The following MTO1 variants were observed in gnomAD, a reference collection of about 807,000 sequenced individuals.
The protein encoded by MTO1 is mitochondrial tRNA translation optimization 1.
A neutral mutation model predicts 71.6 loss-of-function variants in MTO1; 46 were observed. That is an observed-to-expected ratio of 0.64 (90% CI 0.51 to 0.82). MTO1 has a LOEUF of 0.82. Among genes scored for constraint, MTO1 ranks in the 40% least tolerant of loss-of-function variants. The probability of loss-of-function intolerance (pLI) is 0.00; values close to 1 mark genes in which losing one functional copy is unlikely to be tolerated. For synonymous variants in MTO1, 297 were observed against 312.1 expected, an observed-to-expected ratio of 0.95 and a Z score of 0.51; for missense variants, 773 against 867.5, an observed-to-expected ratio of 0.89 and a Z score of 1.37.
intron 1 of MTO1, among the ~76,000 whole-genome samples, chr6:73,462,736 G>T (rs563598668): frequency 2.2e-4 from 34 of 151,910 alleles, no homozygotes; most frequent in African/African-American, 8.0e-4. Flanking sequence ...TCAAAATAAT[G>T]ATAATATTAA....
At chr6:73,467,279 A>G (rs1771026030) in intron 3 of MTO1, among the ~76,000 whole-genome samples, 2 of 151,940 alleles carry the variant, frequency 1.3e-5, no homozygotes, top group African/African-American at 4.8e-5. Flanking sequence ...ATGCCACTGC[A>G]CTCCAGCCTG....
At chr6:73,482,789 CTTTTTTTTTTTT>C (rs35121302) in intron 9 of MTO1, among the ~76,000 whole-genome samples, 169 bp downstream of exon 9, 4 of 92,148 alleles carry the variant, frequency 4.3e-5, no homozygotes, top group African/African-American at 8.5e-5. Context: ...TTTTTTCTTT[CTTTTTTTTTTTT>C]TTTTTTTTTT....
At chr6:73,486,213 G>C (rs1276132443) in intron 9 of MTO1, among the ~76,000 whole-genome samples, 2 of 152,034 alleles carry the variant, frequency 1.3e-5, no homozygotes, top group Non-Finnish European at 2.9e-5. Context: ...AAAGTGCTGG[G>C]ATTACAGACA....
At chr6:73,468,171 G>A (rs1714530091) in intron 3 of MTO1, among the ~76,000 whole-genome samples, 2 of 151,948 alleles carry the variant, frequency 1.3e-5, no homozygotes, top group Non-Finnish European at 2.9e-5. Flanking sequence ...AGGCTGGAGT[G>A]CAGTGGTACC....
rs1772256426 is a variant in MTO1, at chr6:73,505,348, A to T, written c.*4613A>T. The T allele has an allele frequency of 6.6e-6, 1 of 152,260 alleles. No homozygotes were observed. The highest frequency in any genetic ancestry group is 6.5e-5 in the Admixed American group (1 of 15,288). The allele number at this position is 152,260 out of a possible 1,614,324, so 9.4% of individuals were successfully genotyped here. ...TTAAAAAGGAAGGAAATTCATATAC[A>T]TGCTACAGCATGGATAAACCTTGAA... On this transcript the variant is annotated 3_prime_UTR_variant, in exon 12 of 12. Coordinates refer to ENST00000498286, the MANE Select transcript of MTO1 (RefSeq NM_012123.4).
Position 73,482,069 on chromosome 6 carries a change from TC to T in MTO1, c.1291del (p.Arg431GlyfsTer17), listed in dbSNP as rs777915760. On this transcript the variant is annotated frameshift_variant, in exon 8 of 12. Coordinates refer to ENST00000498286, the MANE Select transcript of MTO1 (RefSeq NM_012123.4). LOFTEE classifies it high-confidence loss of function. Reference protein sequence around the residue: ...GVIAGINASLRVSRKPPFVVS... With the variant: ...GVIAGINASLXVSRKPPFVVS... ...TGATAGCCGGAATCAACGCCAGTCTTCGGGTCAGTCGCAAGCCTCCCTTTGT... is the reference window on the plus strand; with the variant it reads ...TGATAGCCGGAATCAACGCCAGTCTTGGGTCAGTCGCAAGCCTCCCTTTGT... The T allele has an allele frequency of 1.2e-6, 2 of 1,614,160 alleles. No individual in the cohort carries two copies. Among genetic ancestry groups the T allele is most frequent in the Non-Finnish European group, 8.5e-7 (1 of 1,180,032 alleles).
intron 4 of MTO1, among the ~76,000 whole-genome samples, chr6:73,476,033 A>T (rs1036833459): frequency 3.3e-5 from 5 of 152,106 alleles, no homozygotes; most frequent in Admixed American, 2.6e-4. Context: ...GGGATTTCAG[A>T]CATAGCAGAG....
intron 4 of MTO1, among the ~76,000 whole-genome samples, chr6:73,475,985 C>T (rs531021956): frequency 6.6e-6 from 1 of 152,192 alleles, no homozygotes; most frequent in Non-Finnish European, 1.5e-5. Flanking sequence ...ATGGAGAACC[C>T]GACACTGAAC....
At chr6:73,467,690 C>T (rs1479538057) in intron 3 of MTO1, among the ~76,000 whole-genome samples, 1 of 151,922 alleles carries the variant, frequency 6.6e-6, no homozygotes, top group Non-Finnish European at 1.5e-5. Context: ...ATCTCCTTCC[C>T]TGGAGACAGA....
chr6:73,491,068 T>C (rs1206449263), intron 9 of MTO1, among the ~76,000 whole-genome samples: 1 of 152,202 alleles, frequency 6.6e-6, no homozygotes. Context: ...GTTCTTTTGT[T>C]GGCCTAGGTA....
intron 3 of MTO1, among the ~76,000 whole-genome samples, chr6:73,472,236 A>G (rs534505596): frequency 3.8e-4 from 58 of 152,264 alleles, no homozygotes; most frequent in Admixed American, 1.1e-3. Context: ...AACACTTTCT[A>G]TCTTTCAAAA....
At chr6:73,467,595 A>G (rs2150028002) in intron 3 of MTO1, among the ~76,000 whole-genome samples, 1 of 141,576 alleles carries the variant, frequency 7.1e-6, no homozygotes, top group Non-Finnish European at 1.6e-5. Flanking sequence ...CCTGGGCAAC[A>G]AGAGCGAAAC....
In MTO1 at chr6:73,466,235, G is replaced by A. The variant is rs1471798489; in HGVS notation, c.244G>A (p.Gly82Ser). Residue 82 changes from glycine to serine, a missense_variant, in exon 2 of 12, where the codon GGT (glycine) becomes AGT (serine). Gly to Ser is a moderately conservative substitution (Grantham distance 56). Coordinates refer to ENST00000498286, the MANE Select transcript of MTO1 (RefSeq NM_012123.4). ...TCAGATGTCATGTAATCCTTCCTTT[G>A]GTGGCATCGGAAAGGGACATTTAAT... is the stretch of plus-strand genomic sequence containing the variant. ...IGQMSCNPSF[G>S]GIGKGHLMRE... is the part of the protein sequence containing the mutation. 2 of 1,613,614 alleles carry A rather than the reference G, an allele frequency of 1.2e-6. No individual in the cohort carries two copies. The highest frequency in any genetic ancestry group is 1.7e-6 in the Non-Finnish European group (2 of 1,179,744).
At position 73,501,726 on chromosome 6, in the gene MTO1, C is replaced by T. The variant is rs1224835797; in HGVS notation, c.*991C>T. 2 of 152,216 alleles carry T rather than the reference C, an allele frequency of 1.3e-5. No homozygotes were observed. The highest frequency in any genetic ancestry group is 2.4e-5 in the African/African-American group (1 of 41,452). The allele number at this position is 152,216 out of a possible 1,614,324, so 9.4% of individuals were successfully genotyped here. A position where few individuals can be genotyped will look rare whatever the true frequency, so the allele number is the denominator to read the frequency against. On this transcript the variant is annotated 3_prime_UTR_variant, in exon 12 of 12. Transcript: ENST00000498286. ...AAATGGGCCAGACAGCCCTGCTTGT[C>T]TCTGGAATTCCAACCCAGATCTCTG... is the stretch of plus-strand genomic sequence containing the variant.
chr6:73,476,053 C>T (rs1050143726), intron 4 of MTO1, among the ~76,000 whole-genome samples: 8 of 152,014 alleles, frequency 5.3e-5, no homozygotes, highest in African/African-American at 7.2e-5. Flanking sequence ...GCAACTTCCT[C>T]GCTGCGATCT....
chr6:73,483,765 C>T (rs1447743336), intron 9 of MTO1, among the ~76,000 whole-genome samples: 3 of 150,838 alleles, frequency 2.0e-5, no homozygotes, highest in African/African-American at 7.3e-5. Flanking sequence ...ATTACAGGCG[C>T]CTGCCACCAC....
At chr6:73,467,372 T>C (rs960366463) in intron 3 of MTO1, among the ~76,000 whole-genome samples, 8 of 151,762 alleles carry the variant, frequency 5.3e-5, no homozygotes, top group African/African-American at 1.9e-4. Context: ...CCCAACACTT[T>C]GGGAGGCCAA....
In MTO1 at chr6:73,466,200, TATC is replaced by T. The variant is rs776822646; in HGVS notation, c.218-8_218-6del. 2 of 1,605,482 alleles carry T rather than the reference TATC, an allele frequency of 1.2e-6. No individual in the cohort carries two copies. Among genetic ancestry groups the T allele is most frequent in the Non-Finnish European group, 1.7e-6 (2 of 1,172,246 alleles). On this transcript the variant is annotated splice_polypyrimidine_tract_variant and splice_region_variant and intron_variant, in intron 1 of 11. Transcript: ENST00000498286. The stretch of plus-strand genomic sequence containing the variant: ...ATATATTTATTTTGTTTATGTCTAT[TATC>T]TTTAGGTCAGATGTCATGTAATCCT...
At chr6:73,487,720 A>T (rs1289760375) in intron 9 of MTO1, 1 of 151,770 alleles carries the variant, frequency 6.6e-6, no homozygotes, top group Non-Finnish European at 1.5e-5. Context: ...CAACCTGGTA[A>T]TCCCCCACTC....
Sources: allele counts gnomAD v4.1 joint callset (sites outside exome capture counted in the v4.1 genomes callset), GRCh38; gene constraint gnomAD v4.1.1; transcripts MANE v1.5; gene names NCBI Gene and HGNC (gene_info 2026-07-23, HGNC 2026-07-21).